SIAH3: variants seen among roughly 807,000 people sequenced by gnomAD.
The protein encoded by SIAH3 is seven in absentia homolog 3.
A neutral mutation model predicts 12.6 loss-of-function variants in SIAH3; 9 were observed. The observed-to-expected ratio is 0.72, with a 90% CI of 0.43 to 1.25. SIAH3 has a LOEUF of 1.25. Among genes scored for constraint, SIAH3 ranks in the 50% most tolerant of loss-of-function variants. The pLI, the probability that SIAH3 is intolerant of heterozygous loss-of-function variation, is 0.00. For missense variants in SIAH3, 390 were observed against 365.4 expected, an observed-to-expected ratio of 1.07 and a Z score of -0.55; for synonymous variants, 154 against 151.1, an observed-to-expected ratio of 1.02 and a Z score of -0.14.
At chr13:45,811,734 G>A (rs544480870) in intron 1 of SIAH3, among the ~76,000 whole-genome samples, 19 of 152,278 alleles carry the variant, frequency 1.2e-4, no homozygotes, top group African/African-American at 4.6e-4. Context: ...CAGAGTTCAG[G>A]GCAGGAGATA....
intron 1 of SIAH3, among the ~76,000 whole-genome samples, chr13:45,785,631 C>T (rs1439062445): frequency 2.0e-5 from 3 of 152,254 alleles, no homozygotes; most frequent in African/African-American, 7.2e-5. Context: ...GGGATTGTCA[C>T]CCGAGTGATG....
intron 1 of SIAH3, among the ~76,000 whole-genome samples, chr13:45,838,018 C>T (rs1950725017): frequency 6.6e-6 from 1 of 152,176 alleles, no homozygotes; most frequent in South Asian, 2.1e-4. Flanking sequence ...ACATCACCCC[C>T]CATTTGGTGT....
At chr13:45,823,208 G>A (rs1950662507) in intron 1 of SIAH3, among the ~76,000 whole-genome samples, 1 of 152,178 alleles carries the variant, frequency 6.6e-6, no homozygotes, top group Non-Finnish European at 1.5e-5. Flanking sequence ...CAATCTAACT[G>A]CCTGGGGAGC....
At chr13:45,786,612 T>A (rs1001684618) in intron 1 of SIAH3, among the ~76,000 whole-genome samples, 2 of 152,208 alleles carry the variant, frequency 1.3e-5, no homozygotes, top group Non-Finnish European at 2.9e-5. Flanking sequence ...AATGAGAGAA[T>A]GTCTGTAAAA....
chr13:45,838,065 T>C (rs1376542490), intron 1 of SIAH3, among the ~76,000 whole-genome samples: 1 of 152,196 alleles, frequency 6.6e-6, no homozygotes, highest in Non-Finnish European at 1.5e-5. Flanking sequence ...AGGCAGCCTG[T>C]AAATCAGTTC....
At chr13:45,787,778 T>C (rs939792233) in intron 1 of SIAH3, among the ~76,000 whole-genome samples, 19 of 152,144 alleles carry the variant, frequency 1.2e-4, no homozygotes, top group African/African-American at 1.7e-4. Flanking sequence ...AGCAGGAATA[T>C]CCAAGAGACC....
chr13:45,783,292 G>GAAA lies in SIAH3; in HGVS notation c.*90_*91insTTT. 1 of 793,870 alleles carries GAAA rather than the reference G, an allele frequency of 1.3e-6. No homozygotes were observed. The highest frequency in any genetic ancestry group is 4.2e-5 in the South Asian group (1 of 23,906). The allele number at this position is 793,870 out of a possible 1,614,324, so 49.2% of individuals were successfully genotyped here. A position where few individuals can be genotyped will look rare whatever the true frequency, so the allele number is the denominator to read the frequency against. ...AATTAAAAAAAAAAAAAAGAAAGGA[G>GAAA]AAGAATAAAAAGGAGTCTGGAGTCC... On this transcript the variant is annotated 3_prime_UTR_variant, in exon 2 of 2. Transcript: ENST00000400405.
At chr13:45,845,149 G>T (rs1950754164) in intron 1 of SIAH3, among the ~76,000 whole-genome samples, 1 of 150,628 alleles carries the variant, frequency 6.6e-6, no homozygotes. Flanking sequence ...TGTATACATT[G>T]TGTAGAGACT....
intron 1 of SIAH3, among the ~76,000 whole-genome samples, chr13:45,827,851 T>C (rs1386319450): frequency 6.6e-6 from 1 of 152,246 alleles, no homozygotes; most frequent in Non-Finnish European, 1.5e-5. Flanking sequence ...CTGTCTTTCC[T>C]TCTCTCTGCT....
rs117048924 is a variant in SIAH3 at position 45,791,571 on chromosome 13, C to A, written c.136-7514G>T. Among the ~76,000 whole-genome samples the A allele has an allele frequency of 7.9e-5, 12 of 152,200 alleles. No homozygotes were observed. The Middle Eastern group carries it at 0.014, about 173-fold the overall frequency. On this transcript the variant is annotated intron_variant, in intron 1 of 1. Coordinates refer to ENST00000400405, the MANE Select transcript of SIAH3 (RefSeq NM_198849.3). ...GGAAGGTGCCCTGGCAGCTCCTCAC[C>A]CAGAACCCAACAGTGATGGAACACA...
intron 1 of SIAH3, among the ~76,000 whole-genome samples, chr13:45,812,518 C>T (rs1402907899): frequency 1.3e-5 from 2 of 152,134 alleles, no homozygotes; most frequent in African/African-American, 4.8e-5. Flanking sequence ...TCCATTAATC[C>T]TCACATTTAT....
intron 1 of SIAH3, among the ~76,000 whole-genome samples, chr13:45,841,363 CT>C (rs1443231774): frequency 1.3e-5 from 2 of 152,220 alleles, no homozygotes; most frequent in Non-Finnish European, 1.5e-5. Context: ...TGCCCTCCCT[CT>C]CCAAGGGGCT....
At chr13:45,802,219 C>T (rs1405348516) in intron 1 of SIAH3, among the ~76,000 whole-genome samples, 1 of 152,090 alleles carries the variant, frequency 6.6e-6, no homozygotes, top group Non-Finnish European at 1.5e-5. Context: ...GGCAAGAGAA[C>T]CTCTTGAACC....
chr13:45,830,640 A>G (rs1950695501), intron 1 of SIAH3, among the ~76,000 whole-genome samples: 1 of 152,166 alleles, frequency 6.6e-6, no homozygotes, highest in African/African-American at 2.4e-5. Flanking sequence ...ACTGGTGCTT[A>G]CCTTCTGCTG....
intron 1 of SIAH3, among the ~76,000 whole-genome samples, chr13:45,849,241 G>A (rs1266641434): frequency 6.6e-6 from 1 of 152,162 alleles, no homozygotes; most frequent in Non-Finnish European, 1.5e-5. Context: ...CTGGGGTGAT[G>A]TTCCTCTGAG....
At chr13:45,811,381 C>T (rs1485143444) in intron 1 of SIAH3, among the ~76,000 whole-genome samples, 4 of 152,196 alleles carry the variant, frequency 2.6e-5, no homozygotes, top group African/African-American at 9.7e-5. Flanking sequence ...ACTTTGAAAA[C>T]TCTGTAATTA....
rs538826900 is a variant in SIAH3 at position 45,850,146 on chromosome 13, G to C, written c.135+1349C>G. Reference sequence around the variant, plus strand: ...TTCGTCACAGCTGGGATATCAGAGAGAGTCAGATCCTAGGTCAGATGCACC... The same window carrying C: ...TTCGTCACAGCTGGGATATCAGAGACAGTCAGATCCTAGGTCAGATGCACC... On this transcript the variant is annotated intron_variant, in intron 1 of 1. Transcript: ENST00000400405. Among the ~76,000 whole-genome samples the C allele has an allele frequency of 7.2e-5, 11 of 152,340 alleles. No individual in the cohort carries two copies. The South Asian group carries it at 2.3e-3, about 32-fold the overall frequency.
intron 1 of SIAH3, among the ~76,000 whole-genome samples, chr13:45,838,390 G>A (rs144436158): frequency 1.3e-5 from 2 of 152,292 alleles, no homozygotes; most frequent in Non-Finnish European, 2.9e-5. Flanking sequence ...GGTCCAACTG[G>A]CATTTATTTA....
chr13:45,809,630 T>C (rs1248644161), intron 1 of SIAH3, among the ~76,000 whole-genome samples: 3 of 152,254 alleles, frequency 2.0e-5, no homozygotes, highest in Non-Finnish European at 4.4e-5. Flanking sequence ...GTTTACAATA[T>C]ATAGCTTTTT....
Sources: allele counts gnomAD v4.1 joint callset (sites outside exome capture counted in the v4.1 genomes callset), GRCh38; gene constraint gnomAD v4.1.1; transcripts MANE v1.5; gene names NCBI Gene and HGNC (gene_info 2026-07-23, HGNC 2026-07-21).